The following SDK2 variants were observed in gnomAD, a reference collection of about 807,000 sequenced individuals.
SDK2 encodes sidekick cell adhesion molecule 2, also known as protein sidekick-2.
A neutral mutation model predicts 253.9 loss-of-function variants in SDK2; 105 were observed. The observed-to-expected ratio is 0.41, with a 90% CI of 0.35 to 0.49. The LOEUF is 0.49. Ranked by LOEUF, SDK2 falls within the 20% of genes least tolerant of loss-of-function variation. The pLI, the probability that SDK2 is intolerant of heterozygous loss-of-function variation, is 0.06. For synonymous variants in SDK2, 1,249 were observed against 1,234.9 expected (o/e 1.01, Z -0.24); for missense variants, 2,608 against 3,003.0 (o/e 0.87, Z 3.07).
chr17:73,486,942 T>C (rs2063773008), intron 2 of SDK2, among the ~76,000 whole-genome samples: 1 of 152,146 alleles, frequency 6.6e-6, no homozygotes, highest in Non-Finnish European at 1.5e-5. Context: ...TTTTTATTTG[T>C]TGCTTTTTTG....
chr17:73,389,900 C>A (rs758587540), intron 29 of SDK2, among the ~76,000 whole-genome samples: 1 of 152,192 alleles, frequency 6.6e-6, no homozygotes, highest in African/African-American at 2.4e-5. Flanking sequence ...CAGGTGTGTG[C>A]CACCACGCTG....
chr17:73,343,367 C>G (rs557342007), intron 44 of SDK2, among the ~76,000 whole-genome samples: 1 of 152,274 alleles, frequency 6.6e-6, no homozygotes, highest in Admixed American at 6.5e-5. Flanking sequence ...TCAGCGACTG[C>G]TGCTCCCGCC....
chr17:73,456,803 C>A (rs1282633841), intron 3 of SDK2, among the ~76,000 whole-genome samples: 1 of 152,214 alleles, frequency 6.6e-6, no homozygotes, highest in Non-Finnish European at 1.5e-5. Flanking sequence ...AGCCTGCCGG[C>A]CTGCCGGGGC....
intron 2 of SDK2, among the ~76,000 whole-genome samples, chr17:73,495,753 C>A (rs993487060): frequency 6.6e-6 from 1 of 152,006 alleles, no homozygotes; most frequent in South Asian, 2.1e-4. Flanking sequence ...GGCCTCAGGT[C>A]GGGAGAAGGA....
chr17:73,514,577 G>T (rs2064008379), intron 1 of SDK2, among the ~76,000 whole-genome samples: 1 of 152,262 alleles, frequency 6.6e-6, no homozygotes, highest in South Asian at 2.1e-4. Context: ...GAGGAAGGGG[G>T]TGATGGCTTC....
chr17:73,481,743 G>C lies in SDK2; in HGVS notation c.225-9525C>G, dbSNP rs1198360484. ...CTGCCCTTGGACGCTGGGGCTCCTG[G>C]TTCCCGGCCTGCAGACTCTAGGACT... On this transcript the variant is annotated intron_variant, in intron 2 of 44. Transcript: ENST00000392650. This position sits in a 1 kb window ranked among gnomAD's most constrained non-coding sequence, Gnocchi z 4.5. Among the ~76,000 whole-genome samples the C allele has an allele frequency of 6.6e-6, 1 of 152,128 alleles. No homozygotes were observed. Among genetic ancestry groups the C allele is most frequent in the Non-Finnish European group, 1.5e-5 (1 of 68,020 alleles).
At chr17:73,498,433 G>A (rs1185121090) in intron 2 of SDK2, among the ~76,000 whole-genome samples, 1 of 152,188 alleles carries the variant, frequency 6.6e-6, no homozygotes, top group South Asian at 2.1e-4. Flanking sequence ...ATTTCCAAAG[G>A]TGGCAGGGCA....
intron 4 of SDK2, among the ~76,000 whole-genome samples, chr17:73,450,382 C>T (rs1443088480): frequency 6.6e-6 from 1 of 152,208 alleles, no homozygotes; most frequent in Non-Finnish European, 1.5e-5. Context: ...CCCTGCAGCC[C>T]GCCACCTGTC....
rs898617572 is a variant in SDK2, at chr17:73,621,957, C to T, written c.64+22068G>A. 4.1e-4 allele frequency among the ~76,000 whole-genome samples: 62 copies of T among 152,210 alleles called. 1 individual carries two copies. The highest frequency in any genetic ancestry group is 2.9e-4 in the African/African-American group (12 of 41,452). On this transcript the variant is annotated intron_variant, in intron 1 of 44. Transcript: ENST00000392650. The stretch of plus-strand genomic sequence containing the variant: ...AGTGAACTCTAAGCAGGATAACCAA[C>T]GACTCATCATAGTCAAACTTCTGAA...
At chr17:73,386,737 C>T (rs1009211101) in intron 30 of SDK2, among the ~76,000 whole-genome samples, 189 bp from the exon 31 acceptor site, 6 of 152,178 alleles carry the variant, frequency 3.9e-5, no homozygotes, top group Admixed American at 3.9e-4. Context: ...GGGACCCGGC[C>T]CCAGGGGTCC....
At chr17:73,362,516 C>G (rs1452368685) in intron 38 of SDK2, among the ~76,000 whole-genome samples, 1 of 151,880 alleles carries the variant, frequency 6.6e-6, no homozygotes, top group Admixed American at 6.6e-5. Context: ...TTCAGCCTTC[C>G]AAGTAGCTAA....
chr17:73,623,056 TA>T (rs1382044298), intron 1 of SDK2, among the ~76,000 whole-genome samples: 1 of 152,252 alleles, frequency 6.6e-6, no homozygotes, highest in Non-Finnish European at 1.5e-5. Context: ...TAAGTATCTT[TA>T]TGTCCCCAGT....
intron 1 of SDK2, among the ~76,000 whole-genome samples, chr17:73,598,118 G>A (rs955092587): frequency 3.9e-5 from 6 of 152,058 alleles, no homozygotes; most frequent in Non-Finnish European, 8.8e-5. Context: ...ATCTCCCCAG[G>A]GGGAGGGTGC....
At position 73,570,519 on chromosome 17, in the gene SDK2, A is replaced by T. The variant is rs1206727907; in HGVS notation, c.65-62922T>A. Among the ~76,000 whole-genome samples, 2 of 152,098 alleles carry T rather than the reference A, an allele frequency of 1.3e-5. No individual in the cohort carries two copies. Among genetic ancestry groups the T allele is most frequent in the Non-Finnish European group, 2.9e-5 (2 of 68,006 alleles). ...GGACCCACCCAGCACCCCTCTTGTG[A>T]TGATGGCGGTGATGGTGATGGTGAG... is the stretch of plus-strand genomic sequence containing the variant. On this transcript the variant is annotated intron_variant, in intron 1 of 44. Transcript: ENST00000392650. This position sits in a 1 kb window ranked among gnomAD's most constrained non-coding sequence, Gnocchi z 4.2.
intron 36 of SDK2, among the ~76,000 whole-genome samples, chr17:73,372,481 G>A (rs2062742460): frequency 6.6e-6 from 1 of 152,200 alleles, no homozygotes; most frequent in Admixed American, 6.5e-5. Flanking sequence ...GGGCAAGCAT[G>A]GGAGTGCACC....
At chr17:73,418,704 C>G (rs1316101763) in intron 16 of SDK2, among the ~76,000 whole-genome samples, 3 of 152,124 alleles carry the variant, frequency 2.0e-5, no homozygotes, top group African/African-American at 7.2e-5. Flanking sequence ...GTCCCTCAGT[C>G]AAATGCAAAG....
intron 43 of SDK2, among the ~76,000 whole-genome samples, chr17:73,349,798 G>A (rs1043058518): frequency 1.3e-5 from 2 of 152,162 alleles, no homozygotes; most frequent in African/African-American, 4.8e-5. Context: ...CGGGTGCTCA[G>A]GCGTCCTTCG....
intron 44 of SDK2, among the ~76,000 whole-genome samples, chr17:73,347,084 C>T (rs533178416): frequency 6.6e-6 from 1 of 152,246 alleles, no homozygotes; most frequent in East Asian, 1.9e-4. Flanking sequence ...ACAGTGGGGC[C>T]AGCACAGTGG....
intron 5 of SDK2, among the ~76,000 whole-genome samples, chr17:73,442,324 GCACCAA>G (rs2063422332): frequency 6.7e-6 from 1 of 149,936 alleles, no homozygotes; most frequent in Non-Finnish European, 1.5e-5. Context: ...CTTTGTTATG[GCACCAA>G]GAGCTGACTC....
Sources: gnomAD v4.1 joint callset for allele counts (sites outside exome capture counted in the v4.1 genomes callset) on GRCh38, gnomAD v4.1.1 for gene constraint, Gnocchi (gnomAD v3.1) non-coding constraint, MANE v1.5 for transcripts, NCBI Gene and HGNC (gene_info 2026-07-23, HGNC 2026-07-21) for gene names.